ENPP3: variants seen among roughly 807,000 people sequenced by gnomAD.
The protein encoded by ENPP3 is ectonucleotide pyrophosphatase/phosphodiesterase 3.
A neutral mutation model predicts 117.8 loss-of-function variants in ENPP3; 104 were observed. That is an observed-to-expected ratio of 0.88 (90% CI 0.75 to 1.04). ENPP3 has a LOEUF of 1.04. ENPP3 is among the 50% of genes least tolerant of loss of function. The pLI is 0.00. For synonymous variants in ENPP3, 380 were observed against 349.9 expected (o/e 1.09, Z -0.96); for missense variants, 1,026 against 1,051.9 (o/e 0.98, Z 0.34).
At chr6:131,711,465 T>C (rs1779789745) in intron 15 of ENPP3, among the ~76,000 whole-genome samples, 1 of 147,470 alleles carries the variant, frequency 6.8e-6, no homozygotes, top group Non-Finnish European at 1.5e-5. Context: ...GTTTGTGTAA[T>C]ATATCTTTTT....
Position 131,740,355 on chromosome 6 carries a change from G to A in ENPP3, c.2432G>A (p.Arg811Gln), listed in dbSNP as rs373257029. Residue 811 changes from arginine (R) to glutamine (Q), a missense_variant, in exon 24 of 25, where the codon CGA becomes CAA. Physicochemically the swap from Arg to Gln is conservative, Grantham distance 43. Transcript: ENST00000357639. ...LDVLPFIIPH[R>Q]PTNVESCPEG... ...GTCCTACCCTTTATCATCCCTCACC[G>A]ACCTACCAACGTGGAGAGCTGTCCT... 16 of 1,610,350 alleles carry A rather than the reference G, an allele frequency of 9.9e-6. No homozygotes were observed. Among genetic ancestry groups the A allele is most frequent in the South Asian group, 6.6e-5 (6 of 90,366 alleles).
intron 20 of ENPP3, among the ~76,000 whole-genome samples, chr6:131,732,350 CATTTACAGG>C (rs1780298362): frequency 6.6e-6 from 1 of 152,150 alleles, no homozygotes; most frequent in Non-Finnish European, 1.5e-5. Flanking sequence ...TTAGGCAGCA[CATTTACAGG>C]ATGTCCTCTT....
chr6:131,659,723 G>GA (rs778078140), intron 6 of ENPP3, among the ~76,000 whole-genome samples: 1 of 152,134 alleles, frequency 6.6e-6, no homozygotes, highest in Non-Finnish European at 1.5e-5. Context: ...CTTTAGCAAA[G>GA]AGACTGTTTT....
chr6:131,647,968 A>G (rs758536298), intron 2 of ENPP3, among the ~76,000 whole-genome samples: 21 of 151,922 alleles, frequency 1.4e-4, no homozygotes, highest in Admixed American at 3.9e-4. Context: ...TTGTGTTTTC[A>G]TGTACTCCTT....
chr6:131,697,561 G>C (rs1779435670), intron 15 of ENPP3, among the ~76,000 whole-genome samples: 1 of 151,744 alleles, frequency 6.6e-6, no homozygotes, highest in African/African-American at 2.4e-5. Context: ...ATCAGTGGGA[G>C]CCCTGAGCTT....
intron 6 of ENPP3, 95 bp from the exon 7 acceptor site, chr6:131,671,153 T>A (rs1440318025): frequency 1.3e-6 from 1 of 774,452 alleles, no homozygotes; most frequent in Non-Finnish European, 2.3e-6. Context: ...AGTTTGTTTT[T>A]TATTTTTCTG....
chr6:131,718,865 G>C, intron 16 of ENPP3, 127 bp downstream of exon 16: 1 of 539,044 alleles, frequency 1.9e-6, no homozygotes, highest in Non-Finnish European at 3.3e-6. Context: ...TCATTACTCA[G>C]ATGTTAAGCC....
At chr6:131,694,895 CACAAGGG>C (rs1227385566) in intron 15 of ENPP3, among the ~76,000 whole-genome samples, 10 of 143,228 alleles carry the variant, frequency 7.0e-5, no homozygotes, top group Admixed American at 6.9e-4. Flanking sequence ...GATGAAAGAA[CACAAGGG>C]ACAAGGGACA....
At chr6:131,745,027 G>T (rs950835121) in intron 24 of ENPP3, among the ~76,000 whole-genome samples, 23 of 152,210 alleles carry the variant, frequency 1.5e-4, no homozygotes, top group African/African-American at 5.3e-4. Flanking sequence ...ATGCTTTGTG[G>T]TCATTTCCCT....
intron 24 of ENPP3, among the ~76,000 whole-genome samples, chr6:131,743,359 C>A (rs1044072968): frequency 2.0e-5 from 3 of 152,014 alleles, no homozygotes; most frequent in Admixed American, 6.6e-5. Flanking sequence ...GACTTCGTTT[C>A]TTTGGGCAAA....
At chr6:131,677,309 A>G (rs1271977137) in intron 10 of ENPP3, among the ~76,000 whole-genome samples, 4 of 152,204 alleles carry the variant, frequency 2.6e-5, no homozygotes, top group Non-Finnish European at 5.9e-5. Context: ...TTATTGAACA[A>G]CAGAGATAGA....
At chr6:131,743,060 A>C (rs1780561311) in intron 24 of ENPP3, among the ~76,000 whole-genome samples, 1 of 152,232 alleles carries the variant, frequency 6.6e-6, no homozygotes, top group Admixed American at 6.5e-5. Flanking sequence ...AACTTAAGCC[A>C]AGCTATGATT....
chr6:131,669,565 T>C (rs374819024), intron 6 of ENPP3, among the ~76,000 whole-genome samples: 13 of 144,150 alleles, frequency 9.0e-5, no homozygotes, highest in South Asian at 4.4e-4. Context: ...TCCCAGCTAC[T>C]CGGGAGGCTG....
intron 14 of ENPP3, among the ~76,000 whole-genome samples, chr6:131,691,351 G>T (rs1779273669): frequency 6.6e-6 from 1 of 152,116 alleles, no homozygotes; most frequent in South Asian, 2.1e-4. Context: ...CACTTTGGGA[G>T]GCCGAGGCGG....
chr6:131,689,730 A>G (rs1287850632), intron 14 of ENPP3, among the ~76,000 whole-genome samples: 1 of 152,228 alleles, frequency 6.6e-6, no homozygotes, highest in Non-Finnish European at 1.5e-5. Context: ...ATTGTCATAA[A>G]TAAGGATTCC....
At chr6:131,650,179 A>G in intron 3 of ENPP3, 30 bp downstream of exon 3, 2 of 1,612,898 alleles carry the variant, frequency 1.2e-6, no homozygotes, top group East Asian at 2.2e-5. Flanking sequence ...GTTTATTAGC[A>G]TGTTGCTTGT....
At chr6:131,662,344 A>G (rs576651479) in intron 6 of ENPP3, among the ~76,000 whole-genome samples, 39 of 152,190 alleles carry the variant, frequency 2.6e-4, no homozygotes, top group African/African-American at 8.2e-4. Context: ...TCCCAGGCTT[A>G]AGCAATCCCC....
chr6:131,679,013 C>G (rs1225745664), intron 11 of ENPP3, among the ~76,000 whole-genome samples: 25 of 85,592 alleles, frequency 2.9e-4, no homozygotes, highest in South Asian at 4.1e-4. Context: ...TTCCTTCCTT[C>G]CTTCCTTCCT....
chr6:131,638,709 A>T (rs1226706764), intron 1 of ENPP3: 3 of 196,098 alleles, frequency 1.5e-5, no homozygotes, highest in Admixed American at 5.9e-5. Context: ...ACAGGCATGA[A>T]CCACTGCACC....
Sources: gnomAD v4.1 joint callset for allele counts (sites outside exome capture counted in the v4.1 genomes callset) on GRCh38, gnomAD v4.1.1 for gene constraint, MANE v1.5 for transcripts, NCBI Gene and HGNC (gene_info 2026-07-23, HGNC 2026-07-21) for gene names.